MCC: variants seen among roughly 807,000 people sequenced by gnomAD.
MCC encodes colorectal mutant cancer protein.
MCC carries 90 observed loss-of-function variants against 116.2 expected under a neutral mutation model. That is an observed-to-expected ratio of 0.77 (90% CI 0.65 to 0.92). The LOEUF is 0.92. MCC is among the 40% of genes least tolerant of loss of function. MCC has a pLI of 0.00. For synonymous variants in MCC, 578 were observed against 510.5 expected (o/e 1.13, Z -1.78); for missense variants, 1,516 against 1,312.2 (o/e 1.16, Z -2.40).
At chr5:113,436,138 G>A (rs112071676) in intron 1 of MCC, 2,777 of 152,540 alleles carry the variant, frequency 0.018, 34 homozygotes, top group Middle Eastern at 0.027. Flanking sequence ...GCTGGATGTC[G>A]CTCAGGCTGG....
At chr5:113,422,565 G>A (rs1479100977) in intron 1 of MCC, among the ~76,000 whole-genome samples, 1 of 151,998 alleles carries the variant, frequency 6.6e-6, no homozygotes, top group Non-Finnish European at 1.5e-5. Context: ...GTGCATCATT[G>A]ATTATAGGAT....
intron 1 of MCC, among the ~76,000 whole-genome samples, chr5:113,405,556 A>G (rs1222711231): frequency 2.6e-5 from 4 of 152,300 alleles, no homozygotes; most frequent in Non-Finnish European, 5.9e-5. Flanking sequence ...TGGGAGGCAG[A>G]GGCAGGAGGA....
intron 5 of MCC, 104 bp downstream of exon 5, chr5:113,143,114 A>T: frequency 8.0e-7 from 1 of 1,255,372 alleles, no homozygotes; most frequent in South Asian, 1.6e-5. Flanking sequence ...ATAATCTACA[A>T]ACTAGAACTT....
chr5:113,205,044 G>C (rs137957193), intron 3 of MCC, among the ~76,000 whole-genome samples: 104 of 152,268 alleles, frequency 6.8e-4, no homozygotes, highest in Non-Finnish European at 1.2e-3. Flanking sequence ...CATCACCAAA[G>C]ACTGCTTCCT....
At chr5:113,412,725 A>T (rs1770026770) in intron 1 of MCC, among the ~76,000 whole-genome samples, 1 of 152,220 alleles carries the variant, frequency 6.6e-6, no homozygotes, top group African/African-American at 2.4e-5. Flanking sequence ...AAACAGGGAC[A>T]ATTTGACTTC....
chr5:113,292,970 C>T (rs1237530082), intron 3 of MCC, among the ~76,000 whole-genome samples: 2 of 152,166 alleles, frequency 1.3e-5, no homozygotes, highest in Admixed American at 6.5e-5. Flanking sequence ...TCCTCCCTCA[C>T]CTCCCATTTT....
intron 3 of MCC, among the ~76,000 whole-genome samples, chr5:113,241,690 G>C (rs540656938): frequency 2.0e-5 from 3 of 152,266 alleles, no homozygotes; most frequent in South Asian, 2.1e-4. Context: ...TACAGGCTTT[G>C]ACTGAAATCA....
At chr5:113,339,438 T>TGTGCACGC (rs145838279) in intron 3 of MCC, among the ~76,000 whole-genome samples, 13 of 149,670 alleles carry the variant, frequency 8.7e-5, no homozygotes, top group Admixed American at 1.3e-4. Flanking sequence ...TGTGTGTGTG[T>TGTGCACGC]GCGTGCATGT....
At chr5:113,246,197 A>G (rs1397120409) in intron 3 of MCC, among the ~76,000 whole-genome samples, 3 of 152,206 alleles carry the variant, frequency 2.0e-5, no homozygotes, top group Admixed American at 6.5e-5. Context: ...CATTCTAGAC[A>G]TTTTAGGGTT....
chr5:113,333,853 A>G (rs1168585633), intron 3 of MCC, among the ~76,000 whole-genome samples: 1 of 122,906 alleles, frequency 8.1e-6, no homozygotes, highest in Non-Finnish European at 1.7e-5. Context: ...GTATATATGT[A>G]CATATATGTA....
At chr5:113,420,722 C>T (rs1200853250) in intron 1 of MCC, among the ~76,000 whole-genome samples, 2 of 152,134 alleles carry the variant, frequency 1.3e-5, no homozygotes, top group Non-Finnish European at 2.9e-5. Context: ...TCTCTCAAAT[C>T]GGGCCTGCCA....
At chr5:113,075,860 G>C (rs184518221) in intron 11 of MCC, among the ~76,000 whole-genome samples, 11 of 152,142 alleles carry the variant, frequency 7.2e-5, no homozygotes, top group Non-Finnish European at 2.9e-5. Flanking sequence ...CAACGTGAAG[G>C]TCTGCAGCTT....
intron 1 of MCC, among the ~76,000 whole-genome samples, chr5:113,427,494 A>T (rs1770515487): frequency 6.6e-6 from 1 of 152,194 alleles, no homozygotes; most frequent in Middle Eastern, 3.2e-3. Flanking sequence ...CACTGTGTTT[A>T]TGTTTCTCCT....
At chr5:113,470,939 A>G (rs1474126279) in intron 1 of MCC, among the ~76,000 whole-genome samples, 1 of 152,142 alleles carries the variant, frequency 6.6e-6, no homozygotes, top group African/African-American at 2.4e-5. Context: ...TTCGTCTTCC[A>G]TCACTGATAC....
At chr5:113,416,295 T>G (rs1770145459) in intron 1 of MCC, among the ~76,000 whole-genome samples, 1 of 152,214 alleles carries the variant, frequency 6.6e-6, no homozygotes, top group African/African-American at 2.4e-5. Context: ...GGCACACACC[T>G]GTAGTCTCAT....
At chr5:113,270,782 C>G (rs1307323403) in intron 3 of MCC, among the ~76,000 whole-genome samples, 1 of 151,394 alleles carries the variant, frequency 6.6e-6, no homozygotes, top group Non-Finnish European at 1.5e-5. Context: ...TGCATGTTAC[C>G]TTCCAGGTAA....
chr5:113,440,826 G>A (rs889087782), intron 1 of MCC, among the ~76,000 whole-genome samples: 2 of 152,146 alleles, frequency 1.3e-5, no homozygotes, highest in African/African-American at 2.4e-5. Flanking sequence ...TATATCAGAA[G>A]TTTAACAATG....
chr5:113,183,914 C>T (rs1323413167), intron 3 of MCC, among the ~76,000 whole-genome samples: 1 of 151,972 alleles, frequency 6.6e-6, no homozygotes, highest in African/African-American at 2.4e-5. Context: ...CCGCCCCCAC[C>T]CATCTTCACA....
intron 1 of MCC, among the ~76,000 whole-genome samples, chr5:113,484,427 C>T (rs1208655009): frequency 6.6e-6 from 1 of 152,076 alleles, no homozygotes; most frequent in African/African-American, 2.4e-5. Context: ...TTGTGTGCTA[C>T]ATGGTAGATA....
Sources: allele counts gnomAD v4.1 joint callset (sites outside exome capture counted in the v4.1 genomes callset), GRCh38; gene constraint gnomAD v4.1.1; transcripts MANE v1.5; gene names NCBI Gene and HGNC (gene_info 2026-07-23, HGNC 2026-07-21).